KCNK10: variants seen among roughly 807,000 people sequenced by gnomAD.
KCNK10 encodes potassium channel subfamily K member 10.
KCNK10 carries 25 observed loss-of-function variants against 47.7 expected under a neutral mutation model. The ratio of observed to expected loss-of-function variants is 0.52; its 90% confidence interval spans 0.38 to 0.73. KCNK10 has a LOEUF of 0.73. Among genes scored for constraint, KCNK10 ranks in the 30% least tolerant of loss-of-function variants. The pLI, the probability that KCNK10 is intolerant of heterozygous loss-of-function variation, is 0.00. For synonymous variants in KCNK10, 303 were observed against 285.6 expected (o/e 1.06, Z -0.61); for missense variants, 563 against 714.5 (o/e 0.79, Z 2.42).
At chr14:88,266,336 G>A (rs1002908346) in intron 1 of KCNK10, among the ~76,000 whole-genome samples, 20 of 152,154 alleles carry the variant, frequency 1.3e-4, no homozygotes, top group African/African-American at 3.4e-4. Flanking sequence ...ACCTTTGCAG[G>A]TGTTGTCCTC....
chr14:88,215,146 C>A (rs1234767449), intron 4 of KCNK10, among the ~76,000 whole-genome samples: 1 of 152,162 alleles, frequency 6.6e-6, no homozygotes, highest in Non-Finnish European at 1.5e-5. Context: ...GCCCAGATAG[C>A]CCAGTATCTG....
At chr14:88,200,056 T>TTTTCTTTCTTTCTTCTTCC (rs1885052642) in intron 4 of KCNK10, among the ~76,000 whole-genome samples, 1 of 151,830 alleles carries the variant, frequency 6.6e-6, no homozygotes, top group African/African-American at 2.4e-5. Context: ...TTTCTTCTTC[T>TTTTCTTTCTTTCTTCTTCC]TTTCTTTCTT....
At chr14:88,293,142 T>C (rs1887915189) in intron 1 of KCNK10, among the ~76,000 whole-genome samples, 1 of 152,220 alleles carries the variant, frequency 6.6e-6, no homozygotes, top group Non-Finnish European at 1.5e-5. Flanking sequence ...AAGTGATTTA[T>C]GGTTTGTACT....
chr14:88,255,834 T>C (rs913101002), intron 2 of KCNK10, among the ~76,000 whole-genome samples: 1 of 151,978 alleles, frequency 6.6e-6, no homozygotes, highest in Non-Finnish European at 1.5e-5. Flanking sequence ...CACTCCAGTG[T>C]GGGTAAGAGA....
chr14:88,245,504 C>T (rs1242991777), intron 2 of KCNK10, among the ~76,000 whole-genome samples: 1 of 152,158 alleles, frequency 6.6e-6, no homozygotes, highest in Non-Finnish European at 1.5e-5. Flanking sequence ...TCCCATCAGG[C>T]AACGCCAGCT....
intron 4 of KCNK10, among the ~76,000 whole-genome samples, chr14:88,221,971 G>C (rs1742136): frequency 1 from 152,344 of 152,348 alleles, 76,170 homozygotes; most frequent in Non-Finnish European, 1. Flanking sequence ...CAGTATGATT[G>C]CAACTACACA....
At chr14:88,278,580 C>T (rs1887578333) in intron 1 of KCNK10, among the ~76,000 whole-genome samples, 1 of 152,192 alleles carries the variant, frequency 6.6e-6, no homozygotes, top group Admixed American at 6.5e-5. Context: ...TCTTCGTAAA[C>T]AGCAAAGCCT....
At chr14:88,238,474 C>A (rs1294988124) in intron 3 of KCNK10, among the ~76,000 whole-genome samples, 1 of 152,100 alleles carries the variant, frequency 6.6e-6, no homozygotes, top group African/African-American at 2.4e-5. Flanking sequence ...AGTTCAAGAC[C>A]AGCCTGGGTA....
At chr14:88,223,660 C>G (rs1885892090) in intron 4 of KCNK10, among the ~76,000 whole-genome samples, 1 of 152,124 alleles carries the variant, frequency 6.6e-6, no homozygotes, top group African/African-American at 2.4e-5. Flanking sequence ...CTAAAAGGTG[C>G]CTTAAGTAAA....
chr14:88,311,259 G>C (rs1029637832), intron 1 of KCNK10, among the ~76,000 whole-genome samples: 1 of 152,090 alleles, frequency 6.6e-6, no homozygotes, highest in East Asian at 1.9e-4. Context: ...ATTTATTAGC[G>C]ATTTAAATAA....
At chr14:88,250,835 G>A (rs1387262773) in intron 2 of KCNK10, among the ~76,000 whole-genome samples, 1 of 152,116 alleles carries the variant, frequency 6.6e-6, no homozygotes, top group East Asian at 1.9e-4. Flanking sequence ...ATCCAGAGAA[G>A]TACTATTGAC....
At chr14:88,276,647 C>T (rs140484943) in intron 1 of KCNK10, among the ~76,000 whole-genome samples, 1 of 152,340 alleles carries the variant, frequency 6.6e-6, no homozygotes, top group African/African-American at 2.4e-5. Context: ...AACTTCCTCC[C>T]CTTTTGTCTT....
At chr14:88,286,232 G>A (rs1240304213) in intron 1 of KCNK10, among the ~76,000 whole-genome samples, 1 of 152,108 alleles carries the variant, frequency 6.6e-6, no homozygotes, top group Non-Finnish European at 1.5e-5. Flanking sequence ...ATCTTCCCAG[G>A]TGAGGCCCCA....
At chr14:88,318,981 C>A (rs974775572) in intron 1 of KCNK10, among the ~76,000 whole-genome samples, 2 of 152,128 alleles carry the variant, frequency 1.3e-5, no homozygotes, top group Non-Finnish European at 2.9e-5. Context: ...CAAGTAAATA[C>A]CAATTTTAAG....
upstream of KCNK10, chr14:88,326,303 G>T: frequency 1.3e-6 from 1 of 795,906 alleles, no homozygotes; most frequent in Non-Finnish European, 2.2e-6. Context: ...ACTGCATGGA[G>T]TGGGGATGGA....
intron 4 of KCNK10, among the ~76,000 whole-genome samples, chr14:88,217,604 G>GAGTAC (rs1566689080): frequency 6.6e-6 from 1 of 152,100 alleles, no homozygotes; most frequent in South Asian, 2.1e-4. Flanking sequence ...GCCCAAACTA[G>GAGTAC]AGTACAGTGA....
chr14:88,317,579 A>G (rs1888454793), intron 1 of KCNK10, among the ~76,000 whole-genome samples: 1 of 152,240 alleles, frequency 6.6e-6, no homozygotes, highest in Non-Finnish European at 1.5e-5. Context: ...GCTGGGAGGA[A>G]GGAAAGCTTG....
Position 88,277,760 on chromosome 14 carries a change from G to A in KCNK10, c.53-14209C>T, listed in dbSNP as rs1346693362. On this transcript the variant is annotated intron_variant, in intron 1 of 6. Coordinates refer to ENST00000319231, the MANE Select transcript of KCNK10 (RefSeq NM_138317.3). The stretch of plus-strand genomic sequence containing the variant: ...GTCAGTGCTGCCAGAGAAATCTATG[G>A]CTGAATCAACATTCTGAGGAATTTT... Among the ~76,000 whole-genome samples the A allele has an allele frequency of 1.3e-5, 2 of 152,134 alleles. 1 individual carries two copies. The highest frequency in any genetic ancestry group is 3.9e-4 in the East Asian group (2 of 5,194).
At chr14:88,266,958 C>T (rs1438165284) in intron 1 of KCNK10, among the ~76,000 whole-genome samples, 3 of 152,134 alleles carry the variant, frequency 2.0e-5, no homozygotes, top group Non-Finnish European at 2.9e-5. Context: ...TGCCAGTTTG[C>T]GAAGAGACTG....
Sources: allele counts gnomAD v4.1 joint callset (sites outside exome capture counted in the v4.1 genomes callset), GRCh38; gene constraint gnomAD v4.1.1; transcripts MANE v1.5; gene names NCBI Gene and HGNC (gene_info 2026-07-23, HGNC 2026-07-21).